The following MAB21L3 variants were observed in gnomAD, a reference collection of about 807,000 sequenced individuals.
The protein encoded by MAB21L3 is protein mab-21-like 3.
In MAB21L3, 36 loss-of-function variants were observed where a neutral mutation model predicts 37.7. That is an observed-to-expected ratio of 0.96 (90% CI 0.73 to 1.26). The LOEUF is 1.26. Ranked by LOEUF, MAB21L3 falls within the 50% of genes most tolerant of loss-of-function variation. The probability of loss-of-function intolerance (pLI) is 0.00; values close to 1 mark genes in which losing one functional copy is unlikely to be tolerated. For missense variants in MAB21L3, 430 were observed against 447.3 expected (o/e 0.96, Z 0.35); for synonymous variants, 186 against 176.8 (o/e 1.05, Z -0.41).
Position 116,136,707 on chromosome 1 carries a change from C to G in MAB21L3, c.*3342C>G, listed in dbSNP as rs1350724432. Among the ~76,000 whole-genome samples, 1 of 152,192 alleles carries G rather than the reference C, an allele frequency of 6.6e-6. No homozygotes were observed. The highest frequency in any genetic ancestry group is 1.9e-4 in the East Asian group (1 of 5,198). Reference sequence around the variant, plus strand: ...AAAGAACAAAGCTGGAGGCATCACACTACCTGACTTCAAACTATACTACAA... The same window carrying G: ...AAAGAACAAAGCTGGAGGCATCACAGTACCTGACTTCAAACTATACTACAA... On this transcript the variant is annotated 3_prime_UTR_variant, in exon 8 of 8. Coordinates refer to ENST00000369500, the MANE Select transcript of MAB21L3 (RefSeq NM_152367.3).
Position 116,124,275 on chromosome 1 carries a change from CGACGGA to C in MAB21L3, c.403_408del (p.Gly135_Asp136del). ...AGTGGCATGAGACAGATGTGAACAT[CGACGGA>C]GACATTGTGCCTGCCAAGGTCCTCC... is the stretch of plus-strand genomic sequence containing the variant. On this transcript the variant is annotated inframe_deletion, in exon 5 of 8. Transcript: ENST00000369500. 8.7e-6 allele frequency: 14 copies of C among 1,614,132 alleles called. No individual in the cohort carries two copies. Among genetic ancestry groups the C allele is most frequent in the Non-Finnish European group, 1.2e-5 (14 of 1,180,036 alleles).
Position 116,112,677 on chromosome 1 carries a change from C to T in MAB21L3, c.48+14C>T, listed in dbSNP as rs571012331. The T allele has an allele frequency of 3.2e-5, 52 of 1,613,456 alleles. No individual in the cohort carries two copies. The highest frequency in any genetic ancestry group is 1.6e-4 in the South Asian group (15 of 91,054). On this transcript the variant is annotated intron_variant, in intron 3 of 7. Transcript: ENST00000369500. ...CTACTGAATAAGGTAAGGACAGACC[C>T]GGTCTCTCCCATGAACCCCCTCCCC...
intron 5 of MAB21L3, among the ~76,000 whole-genome samples, chr1:116,126,513 A>T (rs1050656889): frequency 3.3e-5 from 5 of 152,196 alleles, no homozygotes; most frequent in Non-Finnish European, 7.3e-5. Flanking sequence ...GGCTGAATGG[A>T]TGGTAAAAAC....
chr1:116,120,628 GTTCACTGTTGTCTTA>G (rs1201773283), intron 3 of MAB21L3, among the ~76,000 whole-genome samples: 2 of 151,844 alleles, frequency 1.3e-5, no homozygotes, highest in African/African-American at 4.8e-5. Flanking sequence ...TATCTACATT[GTTCACTGTTGTCTTA>G]ATCACTGTTG....
intron 3 of MAB21L3, among the ~76,000 whole-genome samples, chr1:116,116,037 C>G (rs924109676): frequency 1.3e-5 from 2 of 152,166 alleles, no homozygotes; most frequent in African/African-American, 4.8e-5. Context: ...CAGGGTTGGG[C>G]TTGCAATGGG....
At position 116,138,071 on chromosome 1, in the gene MAB21L3, T is replaced by C. The variant is rs1660229276; in HGVS notation, c.*4706T>C. Among the ~76,000 whole-genome samples, 1 of 151,168 alleles carries C rather than the reference T, an allele frequency of 6.6e-6. No homozygotes were observed. The highest frequency in any genetic ancestry group is 1.9e-4 in the East Asian group (1 of 5,148). ...CGCACCAGCATGGCACATGTATACA[T>C]ATGTAACTAACCTGCACATTGTGCA... On this transcript the variant is annotated 3_prime_UTR_variant, in exon 8 of 8. Coordinates refer to ENST00000369500, the MANE Select transcript of MAB21L3 (RefSeq NM_152367.3).
rs41313286 is a variant in MAB21L3 at position 116,133,522 on chromosome 1, A to G, written c.*157A>G. The G allele has an allele frequency of 0.067, 46,057 of 683,896 alleles. 1,893 individuals are homozygous for G. The highest frequency in any genetic ancestry group is 0.14 in the Admixed American group (5,190 of 36,060). 42.4% of individuals were successfully genotyped at this position (683,896 alleles called of 1,614,324 possible). ...ACCAGAAACACTTCAGCAGGGGGAA[A>G]ACTGTGCCCCAGGATGTCTGGCCCA... On this transcript the variant is annotated 3_prime_UTR_variant, in exon 8 of 8. Transcript: ENST00000369500.
intron 4 of MAB21L3, 192 bp from the exon 5 acceptor site, chr1:116,123,874 C>T (rs1252459081): frequency 1.8e-5 from 10 of 570,232 alleles, no homozygotes; most frequent in Non-Finnish European, 3.1e-5. Context: ...GAAGTATTTA[C>T]AATGATTCAG....
intron 5 of MAB21L3, among the ~76,000 whole-genome samples, chr1:116,126,808 A>AT (rs1488355713): frequency 2.0e-5 from 3 of 152,298 alleles, no homozygotes; most frequent in East Asian, 3.9e-4. Context: ...TCAACATATG[A>AT]TTTTTTTACT....
At chr1:116,112,812 G>A in intron 3 of MAB21L3, 149 bp downstream of exon 3, 1 of 763,080 alleles carries the variant, frequency 1.3e-6, no homozygotes, top group Non-Finnish European at 2.2e-6. Flanking sequence ...CAATGTTTGG[G>A]GGCTTAACAT....
At chr1:116,122,675 C>T (rs1010269151) in intron 4 of MAB21L3, among the ~76,000 whole-genome samples, 2 of 152,208 alleles carry the variant, frequency 1.3e-5, no homozygotes, top group African/African-American at 4.8e-5. Context: ...ATTTTCCCAC[C>T]TCAGCCACCT....
At chr1:116,132,007 A>T (rs1660078165) in intron 7 of MAB21L3, among the ~76,000 whole-genome samples, 1 of 152,212 alleles carries the variant, frequency 6.6e-6, no homozygotes, top group South Asian at 2.1e-4. Context: ...CGTGTTGCAC[A>T]ACTAGCTAGT....
chr1:116,120,886 G>A (rs1659727660), intron 3 of MAB21L3, 46 bp from the exon 4 acceptor site: 1 of 1,606,370 alleles, frequency 6.2e-7, no homozygotes, highest in East Asian at 2.2e-5. Flanking sequence ...GTATCTTGGG[G>A]CCCACAGAGG....
At chr1:116,125,809 G>A (rs1418209694) in intron 5 of MAB21L3, among the ~76,000 whole-genome samples, 3 of 145,528 alleles carry the variant, frequency 2.1e-5, no homozygotes, top group African/African-American at 5.7e-5. Flanking sequence ...GACTTAGAGA[G>A]ATTAAGTCAC....
At chr1:116,126,696 A>G (rs936159677) in intron 5 of MAB21L3, among the ~76,000 whole-genome samples, 1 of 152,202 alleles carries the variant, frequency 6.6e-6, no homozygotes, top group Admixed American at 6.5e-5. Flanking sequence ...TACTCTGAAA[A>G]CCAACATTTA....
intron 3 of MAB21L3, 104 bp downstream of exon 3, chr1:116,112,767 A>G (rs1466427901): frequency 2.8e-6 from 3 of 1,089,082 alleles, no homozygotes; most frequent in South Asian, 1.4e-5. Flanking sequence ...AAAGACACAT[A>G]AAATGCTCCT....
At chr1:116,125,765 C>A (rs1346777015) in intron 5 of MAB21L3, among the ~76,000 whole-genome samples, 2 of 151,854 alleles carry the variant, frequency 1.3e-5, no homozygotes, top group East Asian at 1.9e-4. Context: ...AGTAAGAATT[C>A]TTTTCCTACC....
intron 5 of MAB21L3, among the ~76,000 whole-genome samples, chr1:116,126,678 G>C (rs935380492): frequency 2.6e-5 from 4 of 152,160 alleles, no homozygotes; most frequent in Non-Finnish European, 4.4e-5. Context: ...CCTTCCCTAT[G>C]TTTGCATTAC....
rs1422561284 is a variant in MAB21L3, at chr1:116,127,775, G to A, written c.660+131G>A. The stretch of plus-strand genomic sequence containing the variant: ...ACTAGATCAGCAGTTCTCAAAGTGT[G>A]GGCCCTGCAGCAGCGTCACCTGAGA... On this transcript the variant is annotated intron_variant, in intron 6 of 7. Coordinates refer to ENST00000369500, the MANE Select transcript of MAB21L3 (RefSeq NM_152367.3). The A allele has an allele frequency of 5.9e-6, 6 of 1,017,350 alleles. No individual in the cohort carries two copies. In the Admixed American group the frequency reaches 1.8e-4, roughly 31 times the overall value. The allele number at this position is 1,017,350 out of a possible 1,614,324, so 63.0% of individuals were successfully genotyped here. A position where few individuals can be genotyped will look rare whatever the true frequency, so the allele number is the denominator to read the frequency against.
Sources: gnomAD v4.1 joint callset for allele counts (sites outside exome capture counted in the v4.1 genomes callset) on GRCh38, gnomAD v4.1.1 for gene constraint, MANE v1.5 for transcripts, NCBI Gene and HGNC (gene_info 2026-07-23, HGNC 2026-07-21) for gene names.